PTCHD4: variants seen among roughly 807,000 people sequenced by gnomAD.
The protein encoded by PTCHD4 is patched domain containing 4, also known as patched domain-containing protein 4.
A neutral mutation model predicts 58.1 loss-of-function variants in PTCHD4; 33 were observed. The ratio of observed to expected loss-of-function variants is 0.57; its 90% confidence interval spans 0.43 to 0.76. The LOEUF is 0.76. PTCHD4 is among the 30% of genes least tolerant of loss of function. The probability of loss-of-function intolerance (pLI) is 0.00; values close to 1 mark genes in which losing one functional copy is unlikely to be tolerated. For missense variants in PTCHD4, 1,058 were observed against 1,027.1 expected (o/e 1.03, Z -0.41); for synonymous variants, 478 against 409.6 (o/e 1.17, Z -2.02).
intron 3 of PTCHD4, among the ~76,000 whole-genome samples, chr6:48,022,340 T>G (rs1006444244): frequency 6.6e-6 from 1 of 151,892 alleles, no homozygotes; most frequent in Admixed American, 6.6e-5. Context: ...AAATACTAGA[T>G]AAAGAATACA....
At chr6:47,968,498 C>T (rs1581949725) in intron 4 of PTCHD4, among the ~76,000 whole-genome samples, 1 of 152,200 alleles carries the variant, frequency 6.6e-6, no homozygotes, top group South Asian at 2.1e-4. Context: ...TGTCACAAAC[C>T]AGTCTGTAAA....
chr6:47,970,291 TAAG>T (rs1313440756), intron 4 of PTCHD4, among the ~76,000 whole-genome samples: 1 of 152,060 alleles, frequency 6.6e-6, no homozygotes. Context: ...AAAGTGGAAA[TAAG>T]AGACAATATT....
At chr6:48,076,683 A>T (rs1306377042) in intron 1 of PTCHD4, among the ~76,000 whole-genome samples, 1 of 152,208 alleles carries the variant, frequency 6.6e-6, no homozygotes, top group Non-Finnish European at 1.5e-5. Context: ...CTCCAAATTA[A>T]ATGTAAAGGA....
intron 4 of PTCHD4, among the ~76,000 whole-genome samples, chr6:47,934,618 C>G (rs1476881014): frequency 6.6e-6 from 1 of 152,002 alleles, no homozygotes; most frequent in Non-Finnish European, 1.5e-5. Context: ...AAAATTCTTT[C>G]TTATTAAACA....
chr6:48,069,936 AAG>A lies in PTCHD4; in HGVS notation c.-969-12_-969-11del, dbSNP rs1764943151. Among the ~76,000 whole-genome samples the A allele has an allele frequency of 1.3e-5, 2 of 152,206 alleles. No individual in the cohort carries two copies. Among genetic ancestry groups the A allele is most frequent in the East Asian group, 1.9e-4 (1 of 5,166 alleles). On this transcript the variant is annotated splice_polypyrimidine_tract_variant and intron_variant, in intron 1 of 4. Coordinates refer to ENST00000339488, the MANE Select transcript of PTCHD4 (RefSeq NM_001384253.1). The stretch of plus-strand genomic sequence containing the variant: ...CACCAGGTAGTTTTGCCTGAAAAAA[AAG>A]AGAGTCGGGTGGGTAGAGGGAAACC...
At chr6:48,014,170 G>A (rs985334044) in intron 3 of PTCHD4, among the ~76,000 whole-genome samples, 8 of 152,144 alleles carry the variant, frequency 5.3e-5, no homozygotes, top group Non-Finnish European at 8.8e-5. Context: ...GTTTTTGGAT[G>A]TTCTGGAATT....
At chr6:48,084,836 C>A (rs1161418708) in intron 1 of PTCHD4, among the ~76,000 whole-genome samples, 3 of 151,450 alleles carry the variant, frequency 2.0e-5, no homozygotes, top group Non-Finnish European at 2.9e-5. Flanking sequence ...CTCCACCTCC[C>A]AGGTTCAAGC....
intron 4 of PTCHD4, among the ~76,000 whole-genome samples, chr6:47,943,934 C>A (rs1321728022): frequency 6.6e-6 from 1 of 151,876 alleles, no homozygotes; most frequent in Non-Finnish European, 1.5e-5. Flanking sequence ...CTATAAATTT[C>A]TTTTTAAACA....
Position 47,878,573 on chromosome 6 carries a change from T to C in PTCHD4, c.2262A>G (p.Thr754=), listed in dbSNP as rs754250431. 6.2e-7 allele frequency: 1 copy of C among 1,613,598 alleles called. No individual in the cohort carries two copies. The highest frequency in any genetic ancestry group is 1.1e-5 in the South Asian group (1 of 91,062). Residue 754 remains threonine, a synonymous_variant, in exon 5 of 5, where the codon ACA becomes ACG. Transcript: ENST00000339488. ...AAGAAGTAACATTTTGCAAAATGGC[T>C]GTCCCATGGTCTTGCAAGGAGCTTT... ...CIKSSLQDHG[T]AILQNVTSFL...
At chr6:47,919,899 C>A (rs540957357) in intron 4 of PTCHD4, among the ~76,000 whole-genome samples, 2 of 152,224 alleles carry the variant, frequency 1.3e-5, no homozygotes, top group African/African-American at 4.8e-5. Context: ...ATGTGATTGA[C>A]TTCTGGCCAG....
At chr6:47,995,807 A>G (rs954812295) in intron 4 of PTCHD4, among the ~76,000 whole-genome samples, 1 of 152,216 alleles carries the variant, frequency 6.6e-6, no homozygotes, top group African/African-American at 2.4e-5. Context: ...CACTTCAATA[A>G]AATGACTCCA....
intron 3 of PTCHD4, among the ~76,000 whole-genome samples, chr6:48,046,299 C>T (rs1377930776): frequency 6.6e-6 from 1 of 151,732 alleles, no homozygotes; most frequent in Non-Finnish European, 1.5e-5. Flanking sequence ...GGAGCTGCTC[C>T]TTTATGGAAA....
At chr6:48,102,775 A>C (rs1354007929) in intron 1 of PTCHD4, among the ~76,000 whole-genome samples, 1 of 152,234 alleles carries the variant, frequency 6.6e-6, no homozygotes, top group Non-Finnish European at 1.5e-5. Context: ...CTCTTCAAAC[A>C]GGCTTAACAA....
chr6:47,945,185 T>C (rs147037448), intron 4 of PTCHD4, among the ~76,000 whole-genome samples: 1 of 152,074 alleles, frequency 6.6e-6, no homozygotes, highest in African/African-American at 2.4e-5. Flanking sequence ...ACTGATAATG[T>C]TAAAACATTT....
rs115049796 is a variant in PTCHD4 at position 47,920,040 on chromosome 6, A to G, written c.899-40104T>C. Among the ~76,000 whole-genome samples the G allele has an allele frequency of 9.6e-3, 1,462 of 152,160 alleles. 17 individuals are homozygous for G. Among genetic ancestry groups the G allele is most frequent in the Non-Finnish European group, 0.016 (1,058 of 67,976 alleles). ...CTTGAAGGAACCCGGTCCCTGAATG[A>G]CTGTATGGAGCAGAGCCTCCCTGTT... On this transcript the variant is annotated intron_variant, in intron 4 of 4. Transcript: ENST00000339488.
intron 4 of PTCHD4, among the ~76,000 whole-genome samples, chr6:47,952,203 C>A (rs1437123727): frequency 6.6e-6 from 1 of 151,994 alleles, no homozygotes; most frequent in Non-Finnish European, 1.5e-5. Flanking sequence ...CATTGATAGT[C>A]CATGTCTATT....
At chr6:48,045,304 T>G (rs1763995778) in intron 3 of PTCHD4, among the ~76,000 whole-genome samples, 1 of 151,818 alleles carries the variant, frequency 6.6e-6, no homozygotes, top group Non-Finnish European at 1.5e-5. Context: ...ATGGTTTGAT[T>G]CCATTCTCTC....
intron 4 of PTCHD4, among the ~76,000 whole-genome samples, chr6:47,957,606 A>AT (rs1235401433): frequency 6.6e-4 from 92 of 140,428 alleles, no homozygotes; most frequent in South Asian, 8.9e-4. Flanking sequence ...TTTTATTTTT[A>AT]TTTTTTTTTT....
chr6:47,901,833 T>C (rs779916580), intron 4 of PTCHD4: 5 of 1,295,074 alleles, frequency 3.9e-6, no homozygotes, highest in Non-Finnish European at 5.1e-6. Context: ...ATCTTCCAAA[T>C]GTGATATTTT....
Sources: gnomAD v4.1 joint callset for allele counts (sites outside exome capture counted in the v4.1 genomes callset) on GRCh38, gnomAD v4.1.1 for gene constraint, MANE v1.5 for transcripts, NCBI Gene and HGNC (gene_info 2026-07-23, HGNC 2026-07-21) for gene names.